The following SGCZ variants were observed in gnomAD, a reference collection of about 807,000 sequenced individuals.
SGCZ encodes the protein zeta-sarcoglycan.
A neutral mutation model predicts 41.3 loss-of-function variants in SGCZ; 40 were observed. That is an observed-to-expected ratio of 0.97 (90% CI 0.75 to 1.26). The LOEUF (loss-of-function observed/expected upper bound fraction) is 1.26, where lower values mean the gene tolerates loss of function less well. Ranked by LOEUF, SGCZ falls within the 50% of genes most tolerant of loss-of-function variation. SGCZ has a pLI of 0.00. For synonymous variants in SGCZ, 206 were observed against 137.5 expected, an observed-to-expected ratio of 1.50 and a Z score of -3.49; for missense variants, 552 against 369.8, an observed-to-expected ratio of 1.49 and a Z score of -4.04.
rs1563339161 is a variant in SGCZ at position 14,886,019 on chromosome 8, ATATATATATAT to A, written c.40-331104_40-331094del. Among the ~76,000 whole-genome samples the A allele has an allele frequency of 6.4e-4, 76 of 119,392 alleles. 2 individuals carry two copies. Among genetic ancestry groups the A allele is most frequent in the African/African-American group, 2.4e-3 (73 of 30,008 alleles). 78.3% of individuals were successfully genotyped at this position (119,392 alleles called of 152,430 possible). A position where few individuals can be genotyped will look rare whatever the true frequency, so the allele number is the denominator to read the frequency against. On this transcript the variant is annotated intron_variant, in intron 1 of 7. Transcript: ENST00000382080. ...TATATATATATATATATATATATATATATATATATATATATAAAATTGTATACTTAGCTTTT... is the reference window on the plus strand; with the variant it reads ...TATATATATATATATATATATATATAATATAAAATTGTATACTTAGCTTTT...
At chr8:14,591,712 C>T (rs1805245896) in intron 1 of SGCZ, among the ~76,000 whole-genome samples, 1 of 152,056 alleles carries the variant, frequency 6.6e-6, no homozygotes, top group African/African-American at 2.4e-5. Context: ...TATAAAGCTT[C>T]CTGCATAATT....
intron 2 of SGCZ, among the ~76,000 whole-genome samples, chr8:14,453,587 G>C (rs1203663563): frequency 1.7e-4 from 26 of 152,136 alleles, no homozygotes; most frequent in Admixed American, 1.7e-3. Context: ...GTAAGAAAAT[G>C]ATTGAAGGTG....
intron 3 of SGCZ, among the ~76,000 whole-genome samples, chr8:14,311,438 G>A (rs187932552): frequency 6.6e-6 from 1 of 152,088 alleles, no homozygotes; most frequent in Non-Finnish European, 1.5e-5. Flanking sequence ...TATGGGTGCT[G>A]AGTCAGTTAC....
At chr8:14,326,091 G>A (rs532513246) in intron 2 of SGCZ, among the ~76,000 whole-genome samples, 196 of 74,598 alleles carry the variant, frequency 2.6e-3, no homozygotes, top group Middle Eastern at 0.029. Flanking sequence ...CAGCCTGGGC[G>A]AAAGAGTGAG....
At chr8:14,544,036 T>A (rs1382073816) in intron 2 of SGCZ, among the ~76,000 whole-genome samples, 1 of 152,100 alleles carries the variant, frequency 6.6e-6, no homozygotes, top group Non-Finnish European at 1.5e-5. Context: ...AGAGTAATTA[T>A]TTGTAAGAGG....
chr8:14,611,342 G>A (rs112625828), intron 1 of SGCZ, among the ~76,000 whole-genome samples: 13 of 107,094 alleles, frequency 1.2e-4, no homozygotes, highest in African/African-American at 3.5e-4. Flanking sequence ...ATGTGTGTGT[G>A]TGTGAATGTA....
At chr8:14,315,459 T>G (rs570258076) in intron 3 of SGCZ, among the ~76,000 whole-genome samples, 2 of 152,084 alleles carry the variant, frequency 1.3e-5, no homozygotes, top group South Asian at 2.1e-4. Context: ...ATGAAGCAAA[T>G]GGAAGGTGTG....
intron 1 of SGCZ, among the ~76,000 whole-genome samples, chr8:14,962,775 C>T (rs1274840059): frequency 6.6e-6 from 1 of 152,164 alleles, no homozygotes; most frequent in Non-Finnish European, 1.5e-5. Context: ...GATGTTTGCA[C>T]TTGGGCAAGT....
intron 1 of SGCZ, among the ~76,000 whole-genome samples, chr8:14,944,277 C>A (rs753579218): frequency 6.6e-6 from 1 of 152,116 alleles, no homozygotes; most frequent in African/African-American, 2.4e-5. Flanking sequence ...CAGTTGTCAA[C>A]GTGGGGTTAA....
intron 4 of SGCZ, among the ~76,000 whole-genome samples, chr8:14,167,157 T>C (rs1320403592): frequency 2.0e-5 from 3 of 152,148 alleles, no homozygotes; most frequent in African/African-American, 7.2e-5. Flanking sequence ...AGTCAATTAT[T>C]AGGGATATTT....
intron 1 of SGCZ, among the ~76,000 whole-genome samples, chr8:15,184,519 C>A (rs1231315169): frequency 7.2e-6 from 1 of 139,472 alleles, no homozygotes; most frequent in South Asian, 2.3e-4. Flanking sequence ...TTTTTTTTTT[C>A]TTTTGTCCTA....
chr8:15,230,310 C>T (rs572656113), intron 1 of SGCZ, among the ~76,000 whole-genome samples: 1 of 152,118 alleles, frequency 6.6e-6, no homozygotes, highest in Admixed American at 6.5e-5. Context: ...AGTGAAAAAT[C>T]TCTACCATCA....
At chr8:15,020,899 A>G (rs760218448) in intron 1 of SGCZ, among the ~76,000 whole-genome samples, 1 of 152,194 alleles carries the variant, frequency 6.6e-6, no homozygotes, top group Non-Finnish European at 1.5e-5. Flanking sequence ...AAAATTTAGA[A>G]ATTCAGTTAA....
intron 1 of SGCZ, among the ~76,000 whole-genome samples, chr8:14,929,064 T>C (rs1799848954): frequency 6.6e-6 from 1 of 152,286 alleles, no homozygotes; most frequent in African/African-American, 2.4e-5. Flanking sequence ...TGATCTCGGC[T>C]CACTGCGACC....
At chr8:14,944,131 C>T (rs914241067) in intron 1 of SGCZ, among the ~76,000 whole-genome samples, 2 of 152,162 alleles carry the variant, frequency 1.3e-5, no homozygotes, top group Non-Finnish European at 2.9e-5. Context: ...CTCCCCGCTT[C>T]ATTCGAATCA....
chr8:14,355,913 A>G (rs1267023778), intron 2 of SGCZ, among the ~76,000 whole-genome samples: 1 of 152,198 alleles, frequency 6.6e-6, no homozygotes, highest in Non-Finnish European at 1.5e-5. Flanking sequence ...ATGTTCCTCC[A>G]CTTACAGTGG....
chr8:14,247,076 C>A (rs1181252771), intron 3 of SGCZ, among the ~76,000 whole-genome samples: 1 of 152,114 alleles, frequency 6.6e-6, no homozygotes, highest in Admixed American at 6.5e-5. Context: ...TCTGCACTCA[C>A]ATTTTAACTT....
intron 2 of SGCZ, among the ~76,000 whole-genome samples, chr8:14,440,780 CATACGTATACACGTATATGTATATAT>C (rs1800235355): frequency 1.4e-5 from 2 of 146,280 alleles, no homozygotes; most frequent in Non-Finnish European, 3.0e-5. Flanking sequence ...TATGTATATA[CATACGTATACACGTATATGTATATAT>C]GTGTATACAC....
At chr8:14,469,142 G>C (rs566820574) in intron 2 of SGCZ, among the ~76,000 whole-genome samples, 2 of 151,896 alleles carry the variant, frequency 1.3e-5, no homozygotes, top group Non-Finnish European at 2.9e-5. Flanking sequence ...TGCTTCAATG[G>C]TGCCCTATCA....
Sources: allele counts gnomAD v4.1 joint callset (sites outside exome capture counted in the v4.1 genomes callset), GRCh38; gene constraint gnomAD v4.1.1; transcripts MANE v1.5; gene names NCBI Gene and HGNC (gene_info 2026-07-23, HGNC 2026-07-21).